The following IGDCC4 variants were observed in gnomAD, a reference collection of about 807,000 sequenced individuals.
IGDCC4 encodes the protein likely ortholog of mouse neighbor of Punc E11.
IGDCC4 carries 72 observed loss-of-function variants against 116.6 expected under a neutral mutation model. The observed-to-expected ratio is 0.62, with a 90% CI of 0.51 to 0.75. IGDCC4 has a LOEUF of 0.75. Among genes scored for constraint, IGDCC4 ranks in the 30% least tolerant of loss-of-function variants. The pLI, the probability that IGDCC4 is intolerant of heterozygous loss-of-function variation, is 0.00. For missense variants in IGDCC4, 1,501 were observed against 1,662.4 expected, an observed-to-expected ratio of 0.90 and a Z score of 1.69; for synonymous variants, 709 against 719.9, an observed-to-expected ratio of 0.98 and a Z score of 0.24.
At chr15:65,385,242 C>G (rs965210187) in intron 18 of IGDCC4, 127 bp from the exon 19 acceptor site, 37 of 1,005,350 alleles carry the variant, frequency 3.7e-5, no homozygotes, top group Non-Finnish European at 5.2e-5. Flanking sequence ...GCTGCTCTCT[C>G]CCTCTCCAAG....
intron 5 of IGDCC4, among the ~76,000 whole-genome samples, chr15:65,397,902 A>G (rs1321040180): frequency 6.6e-6 from 1 of 152,230 alleles, no homozygotes; most frequent in Non-Finnish European, 1.5e-5. Context: ...AACAGCGGAT[A>G]ACTGGAAAGG....
chr15:65,389,873 G>T (rs2091495813), intron 13 of IGDCC4, among the ~76,000 whole-genome samples: 1 of 152,156 alleles, frequency 6.6e-6, no homozygotes, highest in African/African-American at 2.4e-5. Context: ...GCCCTCTGAG[G>T]TTGGAGAAAC....
chr15:65,385,013 G>A lies in IGDCC4; in HGVS notation c.3283C>T (p.Pro1095Ser). The A allele has an allele frequency of 6.2e-7, 1 of 1,609,618 alleles. No individual in the cohort carries two copies. The change falls in exon 19 of 20, where the codon CCC (proline) becomes TCC (serine). Residue 1095 changes from proline to serine, a missense_variant. Pro to Ser is a moderately conservative substitution (Grantham distance 74). Coordinates refer to ENST00000352385, the MANE Select transcript of IGDCC4 (RefSeq NM_020962.3). ...PRPALTRALLPPAGTGQTLLL... is the reference protein window; with the variant it reads ...PRPALTRALLSPAGTGQTLLL... The stretch of plus-strand genomic sequence containing the variant: ...AGCGTCTGCCCAGTTCCAGCAGGGG[G>A]CAGCAGGGCCCGGGTCAGAGCCGGC...
intron 14 of IGDCC4, 127 bp downstream of exon 14, chr15:65,389,157 C>G: frequency 7.4e-7 from 1 of 1,351,090 alleles, no homozygotes; most frequent in East Asian, 2.4e-5. Flanking sequence ...CATTCCTCCC[C>G]TCCCAGAAAC....
Position 65,415,011 on chromosome 15 carries a change from G to T in IGDCC4, c.71-3641C>A, listed in dbSNP as rs1278971739. 2.6e-5 allele frequency among the ~76,000 whole-genome samples: 4 copies of T among 152,172 alleles called. No individual in the cohort carries two copies. In the East Asian group the frequency reaches 7.7e-4, roughly 29 times the overall value. ...CCGGCGGGGAGCTTATTCTTTAAAG[G>T]CACTTTGTAACTATAAAGGGCTGTA... On this transcript the variant is annotated intron_variant, in intron 1 of 19. Transcript: ENST00000352385.
intron 4 of IGDCC4, 76 bp downstream of exon 4, chr15:65,402,275 C>A: frequency 1.3e-6 from 2 of 1,501,640 alleles, no homozygotes; most frequent in Non-Finnish European, 1.8e-6. Context: ...GGCCTGGACC[C>A]CTTGAGGTCC....
intron 3 of IGDCC4, among the ~76,000 whole-genome samples, chr15:65,409,394 G>C (rs904486782): frequency 6.6e-6 from 1 of 152,228 alleles, no homozygotes; most frequent in Admixed American, 6.5e-5. Context: ...GATATAGGGA[G>C]AGGACTGCAG....
At chr15:65,389,638 A>G (rs2091493850) in intron 13 of IGDCC4, among the ~76,000 whole-genome samples, 1 of 152,206 alleles carries the variant, frequency 6.6e-6, no homozygotes, top group Admixed American at 6.5e-5. Context: ...CCTCCAGGAA[A>G]CCTTCCTGGA....
rs1055974465 is a variant in IGDCC4 at position 65,382,005 on chromosome 15, C to A, written c.*2004G>T. ...AACCAGAACCTCAGTGCCTGTTAAA[C>A]AAGAACATGAAAAATGACTATGTGG... On this transcript the variant is annotated 3_prime_UTR_variant, in exon 20 of 20. Transcript: ENST00000352385. 1 of 152,022 alleles carries A rather than the reference C, an allele frequency of 6.6e-6. No homozygotes were observed. The highest frequency in any genetic ancestry group is 2.4e-5 in the African/African-American group (1 of 41,230). The allele number at this position is 152,022 out of a possible 1,614,324, so 9.4% of individuals were successfully genotyped here.
At chr15:65,401,283 A>G (rs536217933) in intron 4 of IGDCC4, among the ~76,000 whole-genome samples, 1 of 152,358 alleles carries the variant, frequency 6.6e-6, no homozygotes, top group Admixed American at 6.5e-5. Flanking sequence ...CTTGGAGTCA[A>G]CAGTTATAGT....
rs559969944 is a variant in IGDCC4 at position 65,395,860 on chromosome 15, C to G, written c.1301G>C (p.Arg434Pro). 2 of 1,579,384 alleles carry G rather than the reference C, an allele frequency of 1.3e-6. No homozygotes were observed. The highest frequency in any genetic ancestry group is 3.4e-5 in the Admixed American group (2 of 58,080). Residue 434 changes from arginine to proline, a missense_variant, in exon 7 of 20, where the codon CGG becomes CCG. Arg to Pro is a moderately radical substitution (Grantham distance 103). Transcript: ENST00000352385. ...VREGLPSAPT[R>P]VTATPLSSSA... ...GCTGCTCAGTGGCGTAGCAGTGACC[C>G]GCGTGGGGGCGCTGGGCAGCCCCTC...
chr15:65,410,358 T>G, intron 2 of IGDCC4, 39 bp from the exon 3 acceptor site: 2 of 1,611,212 alleles, frequency 1.2e-6, no homozygotes, highest in Non-Finnish European at 1.7e-6. Flanking sequence ...GGGAAAAGAA[T>G]AGGAGAGAGA....
At chr15:65,414,156 C>G (rs550305955) in intron 1 of IGDCC4, among the ~76,000 whole-genome samples, 67 of 152,276 alleles carry the variant, frequency 4.4e-4, no homozygotes, top group Non-Finnish European at 1.2e-4. Context: ...CAAAGAGGAA[C>G]AAGAGTGAGG....
At chr15:65,389,730 A>G (rs957257665) in intron 13 of IGDCC4, among the ~76,000 whole-genome samples, 1 of 152,124 alleles carries the variant, frequency 6.6e-6, no homozygotes, top group African/African-American at 2.4e-5. Context: ...TGGCAGTTGT[A>G]TATATCGGTT....
chr15:65,392,495 G>T, intron 10 of IGDCC4, 125 bp from the exon 11 acceptor site: 1 of 716,036 alleles, frequency 1.4e-6, no homozygotes, highest in Non-Finnish European at 2.2e-6. Context: ...TTCAGTGAGA[G>T]CCTTTTGCCA....
intron 1 of IGDCC4, among the ~76,000 whole-genome samples, chr15:65,411,708 G>A (rs1287111459): frequency 3.3e-5 from 5 of 152,182 alleles, no homozygotes; most frequent in Admixed American, 2.6e-4. Flanking sequence ...AAAACTTGAC[G>A]CTAAGTGAAG....
Position 65,411,082 on chromosome 15 carries a change from G to A in IGDCC4, c.359C>T (p.Ser120Leu), listed in dbSNP as rs1408063789. ...EAVGVIEGNY[S>L]CLAHGPLGVL... ...TCCGAGGGGGCCGTGGGCTAGGCAC[G>A]AATAGTTGCCTTCAATGACCCCCAC... Residue 120 changes from serine (S) to leucine (L), a missense_variant, in exon 2 of 20, where the codon TCG (serine) becomes TTG (leucine). Coordinates refer to ENST00000352385, the MANE Select transcript of IGDCC4 (RefSeq NM_020962.3). 6.2e-7 allele frequency: 1 copy of A among 1,614,198 alleles called. No homozygotes were observed. The highest frequency in any genetic ancestry group is 1.1e-5 in the South Asian group (1 of 91,082).
At position 65,382,354 on chromosome 15, in the gene IGDCC4, T is replaced by C. The variant is rs2091408256; in HGVS notation, c.*1655A>G. 6.7e-6 allele frequency: 1 copy of C among 148,492 alleles called. No homozygotes were observed. Among genetic ancestry groups the C allele is most frequent in the Non-Finnish European group, 1.5e-5 (1 of 67,506 alleles). 9.2% of individuals were successfully genotyped at this position (148,492 alleles called of 1,614,324 possible). On this transcript the variant is annotated 3_prime_UTR_variant, in exon 20 of 20. Transcript: ENST00000352385. Reference sequence around the variant, plus strand: ...GACACCCGAGTATAATAAACACAGATGCTTTCAGGGTTTGAGGAAGCCGCA... The same window carrying C: ...GACACCCGAGTATAATAAACACAGACGCTTTCAGGGTTTGAGGAAGCCGCA...
At chr15:65,388,669 G>A (rs2091484464) in intron 15 of IGDCC4, 83 bp from the exon 16 acceptor site, 1 of 1,601,166 alleles carries the variant, frequency 6.2e-7, no homozygotes, top group African/African-American at 1.3e-5. Flanking sequence ...GACTGGGAGA[G>A]TCTGCTCTCC....
Sources: allele counts gnomAD v4.1 joint callset (sites outside exome capture counted in the v4.1 genomes callset), GRCh38; gene constraint gnomAD v4.1.1; transcripts MANE v1.5; gene names NCBI Gene and HGNC (gene_info 2026-07-23, HGNC 2026-07-21).